Variants in MMP2 observed in about 807,000 individuals in gnomAD.
MMP2 encodes the protein 72 kDa type IV collagenase.
A neutral mutation model predicts 74.8 loss-of-function variants in MMP2; 39 were observed. That is an observed-to-expected ratio of 0.52 (90% CI 0.40 to 0.68). The LOEUF is 0.68. Among genes scored for constraint, MMP2 ranks in the 30% least tolerant of loss-of-function variants. MMP2 has a pLI of 0.00. For missense variants in MMP2, 803 were observed against 878.3 expected (o/e 0.91, Z 1.08); for synonymous variants, 367 against 339.8 (o/e 1.08, Z -0.88).
At position 55,485,644 on chromosome 16, in the gene MMP2, C is replaced by T. The variant is rs764250698; in HGVS notation, c.699C>T (p.Cys233=). The change falls in exon 5 of 13, where the codon TGC becomes TGT. Residue 233 remains cysteine (C), a synonymous_variant. Coordinates refer to ENST00000219070, the MANE Select transcript of MMP2 (RefSeq NM_004530.6). ...VKYGNADGEY[C]KFPFLFNGKE... is the part of the protein sequence containing the mutation. ...ATGGGAACGCCGATGGGGAGTACTG[C>T]AAGTTCCCCTTCTTGTTCAATGGCA... The T allele has an allele frequency of 2.5e-6, 4 of 1,614,162 alleles. No individual in the cohort carries two copies. The highest frequency in any genetic ancestry group is 3.4e-6 in the Non-Finnish European group (4 of 1,180,010).
rs759862460 is a variant in MMP2 at position 55,493,203 on chromosome 16, T to C, written c.1382T>C (p.Leu461Pro). The C allele has an allele frequency of 3.7e-6, 6 of 1,614,090 alleles. No individual in the cohort carries two copies. The South Asian group carries it at 4.4e-5, about 12-fold the overall frequency. Residue 461 changes from leucine (L) to proline (P), a missense_variant, in exon 9 of 13, where the codon CTG becomes CCG. Physicochemically the swap from Leu to Pro is moderately conservative, Grantham distance 98. Transcript: ENST00000219070. ...IDLGTGPTPT[L>P]GPVTPEICKQ... ...CTTGGCACCGGCCCCACCCCCACGCTGGGCCCTGTCACTCCTGAGATCTGC... is the reference window on the plus strand; with the variant it reads ...CTTGGCACCGGCCCCACCCCCACGCCGGGCCCTGTCACTCCTGAGATCTGC...
At chr16:55,499,746 G>A (rs1319938346) in intron 11 of MMP2, among the ~76,000 whole-genome samples, 1 of 152,180 alleles carries the variant, frequency 6.6e-6, no homozygotes, top group Non-Finnish European at 1.5e-5. Context: ...CAGGATTATA[G>A]CTACTTCTCT....
rs1453842028 is a variant in MMP2 at position 55,493,162 on chromosome 16, C to T, written c.1341C>T (p.Ala447=). 2 of 1,613,776 alleles carry T rather than the reference C, an allele frequency of 1.2e-6. No individual in the cohort carries two copies. Among genetic ancestry groups the T allele is most frequent in the East Asian group, 4.5e-5 (2 of 44,860 alleles). The part of the protein sequence containing the change: ...DIKGIQELYG[A]SPDIDLGTGP... The stretch of plus-strand genomic sequence containing the variant: ...AAGGTCAGGTGTTCTCCCCAGGGGC[C>T]TCTCCTGACATTGACCTTGGCACCG... The change falls in exon 9 of 13, where the codon GCC becomes GCT. Residue 447 remains alanine (A), a synonymous_variant. Coordinates refer to ENST00000219070, the MANE Select transcript of MMP2 (RefSeq NM_004530.6).
Position 55,489,685 on chromosome 16 carries a change from C to G in MMP2, c.1041C>G (p.Ala347=). The change falls in exon 7 of 13, where the codon GCC becomes GCG. Residue 347 remains alanine (A), a synonymous_variant. Coordinates refer to ENST00000219070, the MANE Select transcript of MMP2 (RefSeq NM_004530.6). ...MSTVGGNSEG[A]PCVFPFTFLG... is the part of the protein sequence containing the mutation. ...CTGTTGGTGGGAACTCAGAAGGTGCCCCCTGTGTCTTCCCCTTCACTTTCC... is the reference window on the plus strand; with the variant it reads ...CTGTTGGTGGGAACTCAGAAGGTGCGCCCTGTGTCTTCCCCTTCACTTTCC... 1 of 1,614,140 alleles carries G rather than the reference C, an allele frequency of 6.2e-7. No individual in the cohort carries two copies. Among genetic ancestry groups the G allele is most frequent in the East Asian group, 2.2e-5 (1 of 44,864 alleles).
intron 11 of MMP2, among the ~76,000 whole-genome samples, chr16:55,500,323 C>T (rs956055611): frequency 2.6e-5 from 4 of 151,986 alleles, no homozygotes; most frequent in African/African-American, 4.8e-5. Flanking sequence ...GCTGGTGAGC[C>T]GCACAGACTC....
Position 55,481,709 on chromosome 16 carries a change from T to C in MMP2, c.154-1200T>C, listed in dbSNP as rs1030869. On this transcript the variant is annotated intron_variant, in intron 1 of 12. Transcript: ENST00000219070. ...GCAATGCAGTGGGGGCTTAAGAAGA[T>C]AACTCTGGACTTAGACCGCTTGGCT... The C allele has an allele frequency of 0.3, 179,286 of 596,288 alleles. 29,453 individuals carry two copies. Among genetic ancestry groups the C allele is most frequent in the Admixed American group, 0.35 (12,704 of 35,826 alleles). The allele number at this position is 596,288 out of a possible 1,614,324, so 36.9% of individuals were successfully genotyped here. A position where few individuals can be genotyped will look rare whatever the true frequency, so the allele number is the denominator to read the frequency against.
At chr16:55,481,892 A>G in intron 1 of MMP2, 2 of 752,254 alleles carry the variant, frequency 2.7e-6, no homozygotes, top group Non-Finnish European at 5.0e-6. Flanking sequence ...AGTACTCAAT[A>G]AGCACTAGCC....
At chr16:55,486,347 CTGTGTGTGTGTGTGTGTGTGTG>C (rs57608135) in intron 5 of MMP2, among the ~76,000 whole-genome samples, 13 of 137,804 alleles carry the variant, frequency 9.4e-5, no homozygotes, top group Admixed American at 3.6e-4. Context: ...GTGTGTGTGC[CTGTGTGTGTGTGTGTGTGTGTG>C]TGTGTGTGTG....
At chr16:55,504,765 G>A (rs1962754740) in intron 12 of MMP2, among the ~76,000 whole-genome samples, 2 of 151,242 alleles carry the variant, frequency 1.3e-5, no homozygotes, top group South Asian at 4.2e-4. Context: ...CCATTCTCCT[G>A]CCTCAGCCTC....
At position 55,479,312 on chromosome 16, in the gene MMP2, G is replaced by C; in HGVS notation, c.-168G>C. The C allele has an allele frequency of 2.8e-6, 2 of 724,804 alleles. No homozygotes were observed. The highest frequency in any genetic ancestry group is 3.7e-6 in the Non-Finnish European group (2 of 533,550). 44.9% of individuals were successfully genotyped at this position (724,804 alleles called of 1,614,324 possible). A position where few individuals can be genotyped will look rare whatever the true frequency, so the allele number is the denominator to read the frequency against. On this transcript the variant is annotated 5_prime_UTR_variant, in exon 1 of 13. Coordinates refer to ENST00000219070, the MANE Select transcript of MMP2 (RefSeq NM_004530.6). ...GCGGCGGCGGCGGGGGCTGGGGCGC[G>C]GGGGCCGGACCATGAGCCGCTGAGC...
Position 55,479,387 on chromosome 16 carries a change from G to A in MMP2, c.-93G>A. The A allele has an allele frequency of 2.2e-6, 3 of 1,340,592 alleles. No individual in the cohort carries two copies. The highest frequency in any genetic ancestry group is 2.9e-6 in the Non-Finnish European group (3 of 1,046,690). The allele number at this position is 1,340,592 out of a possible 1,614,324, so 83.0% of individuals were successfully genotyped here. ...CAGCGGACCCTCGGAGCGCAGCCCT[G>A]CGCCGCGGAGCAGGCTCCAACCAGG... On this transcript the variant is annotated 5_prime_UTR_variant, in exon 1 of 13. Transcript: ENST00000219070.
chr16:55,496,758 G>A, intron 9 of MMP2, among the ~76,000 whole-genome samples, 168 bp from the exon 10 acceptor site: 1 of 152,160 alleles, frequency 6.6e-6, no homozygotes, highest in Non-Finnish European at 1.5e-5. Context: ...TTGCAGACAG[G>A]AACTCTGCCC....
At chr16:55,504,707 C>CA (rs1962752881) in intron 12 of MMP2, among the ~76,000 whole-genome samples, 1 of 148,086 alleles carries the variant, frequency 6.8e-6, no homozygotes, top group African/African-American at 2.5e-5. Flanking sequence ...GGCTGGAGTG[C>CA]AGTGGCGCGA....
intron 1 of MMP2, chr16:55,481,550 G>C (rs1328659291): frequency 6.2e-6 from 2 of 323,022 alleles, no homozygotes; most frequent in Non-Finnish European, 1.1e-5. Context: ...CTCATTCTGT[G>C]ACTAAGAATG....
chr16:55,500,015 C>A (rs1364755409), intron 11 of MMP2, among the ~76,000 whole-genome samples: 2 of 152,194 alleles, frequency 1.3e-5, no homozygotes, highest in African/African-American at 4.8e-5. Context: ...CTTCCCTCCT[C>A]CCCACTACTC....
chr16:55,491,486 T>C (rs1962403792), intron 7 of MMP2, among the ~76,000 whole-genome samples: 2 of 152,144 alleles, frequency 1.3e-5, no homozygotes, highest in Non-Finnish European at 2.9e-5. Context: ...TTAAAATGAA[T>C]GGGGTTTTAA....
chr16:55,504,145 G>A (rs1279330316), intron 12 of MMP2, among the ~76,000 whole-genome samples: 2 of 151,938 alleles, frequency 1.3e-5, no homozygotes, highest in Non-Finnish European at 2.9e-5. Context: ...GTGACAGAGT[G>A]AGACCTGGTC....
intron 5 of MMP2, chr16:55,488,283 T>G: frequency 3.8e-6 from 2 of 525,996 alleles, no homozygotes; most frequent in Non-Finnish European, 6.9e-6. Context: ...CTAGAAGCCC[T>G]TGCTGTGTGC....
chr16:55,503,032 T>C (rs910229910), intron 12 of MMP2, 144 bp downstream of exon 12: 12 of 720,306 alleles, frequency 1.7e-5, no homozygotes, highest in Middle Eastern at 3.7e-4. Context: ...TTCATCCTAG[T>C]GCTGGGAAGG....
Sources: allele counts gnomAD v4.1 joint callset (sites outside exome capture counted in the v4.1 genomes callset), GRCh38; gene constraint gnomAD v4.1.1; transcripts MANE v1.5; gene names NCBI Gene and HGNC (gene_info 2026-07-23, HGNC 2026-07-21).